Variants in DIAPH2 observed in about 807,000 individuals in gnomAD.
DIAPH2 encodes the protein protein diaphanous homolog 2.
In DIAPH2, 35 loss-of-function variants were observed where a neutral mutation model predicts 92.7. The observed-to-expected ratio is 0.38, with a 90% CI of 0.29 to 0.50. The LOEUF is 0.50. Ranked by LOEUF, DIAPH2 falls within the 20% of genes least tolerant of loss-of-function variation. DIAPH2 has a pLI of 0.94. For synonymous variants in DIAPH2, 301 were observed against 280.4 expected (o/e 1.07, Z -0.73); for missense variants, 701 against 819.5 (o/e 0.86, Z 1.77).
chrX:96,706,358 G>A (rs1364539074), intron 1 of DIAPH2, among the ~76,000 whole-genome samples: 1 of 112,128 alleles, frequency 8.9e-6, no homozygotes, highest in Non-Finnish European at 1.9e-5. Context: ...GGATCTAGAG[G>A]TTAAGAACTA....
intron 13 of DIAPH2, among the ~76,000 whole-genome samples, chrX:96,943,573 A>G (rs779255568): frequency 4.5e-5 from 5 of 111,402 alleles, no homozygotes; most frequent in African/African-American, 1.6e-4. Context: ...ATTATAGACC[A>G]TAGTTAGGAC....
chrX:97,571,506 T>G (rs1167106066), intron 26 of DIAPH2, among the ~76,000 whole-genome samples: 1 of 111,849 alleles, frequency 8.9e-6, no homozygotes, highest in Non-Finnish European at 1.9e-5. Flanking sequence ...GTTGTTTGCT[T>G]TTGACAGTCT....
chrX:97,333,881 A>T (rs1035336444), intron 23 of DIAPH2, among the ~76,000 whole-genome samples: 1 of 110,135 alleles, frequency 9.1e-6, no homozygotes, highest in Non-Finnish European at 1.9e-5. Flanking sequence ...TCTTATATCT[A>T]TCCCCTGCTT....
At chrX:97,244,317 T>G (rs985736807) in intron 22 of DIAPH2, among the ~76,000 whole-genome samples, 1 of 112,264 alleles carries the variant, frequency 8.9e-6, no homozygotes, top group African/African-American at 3.2e-5. Flanking sequence ...GCAATTTGAT[T>G]AGGCTAGTTT....
intron 10 of DIAPH2, among the ~76,000 whole-genome samples, chrX:96,931,415 A>G (rs1207850067): frequency 1.8e-5 from 2 of 111,741 alleles, no homozygotes; most frequent in Admixed American, 9.5e-5. Context: ...AAATGAGCAC[A>G]CTTATTTTTA....
At chrX:97,327,179 A>C (rs916287626) in intron 23 of DIAPH2, among the ~76,000 whole-genome samples, 1 of 110,361 alleles carries the variant, frequency 9.1e-6, no homozygotes, top group African/African-American at 3.3e-5. Context: ...GCTCACTGCA[A>C]CCTCCGCCTC....
intron 22 of DIAPH2, among the ~76,000 whole-genome samples, chrX:97,247,102 G>T (rs1265336714): frequency 2.7e-5 from 3 of 111,789 alleles, no homozygotes; most frequent in Non-Finnish European, 5.6e-5. Context: ...GGTAATTACA[G>T]CAACTAATGA....
chrX:97,152,916 G>A (rs2067295677), intron 22 of DIAPH2, among the ~76,000 whole-genome samples: 1 of 109,104 alleles, frequency 9.2e-6, no homozygotes, highest in East Asian at 2.9e-4. Flanking sequence ...TAGCTCTGTG[G>A]CAAAAGATTC....
chrX:97,482,413 T>C (rs1228022547), intron 26 of DIAPH2, among the ~76,000 whole-genome samples: 1 of 112,159 alleles, frequency 8.9e-6, no homozygotes, highest in African/African-American at 3.2e-5. Context: ...ATAATCAGGC[T>C]CAGAGGTTAG....
rs150125360 is a variant in DIAPH2 at position 96,987,426 on chromosome X, A to G, written c.2050+22219A>G. ...GAATGGTTATTACTCCATTAGACCT[A>G]TGACCCATGGAATGAGTAACTCTGA... On this transcript the variant is annotated intron_variant, in intron 17 of 26. Transcript: ENST00000324765. Among the ~76,000 whole-genome samples the G allele has an allele frequency of 6.9e-3, 765 of 111,620 alleles. 9 individuals carry two copies. The highest frequency in any genetic ancestry group is 0.023 in the African/African-American group (726 of 30,896).
At chrX:97,017,960 CAGGATCTT>C (rs1167729425) in intron 17 of DIAPH2, among the ~76,000 whole-genome samples, 2 of 112,446 alleles carry the variant, frequency 1.8e-5, no homozygotes, top group African/African-American at 6.5e-5. Context: ...ATAAATATAG[CAGGATCTT>C]AGTTGCCTAG....
chrX:96,738,898 C>G (rs753999024), intron 3 of DIAPH2, 136 bp downstream of exon 3: 1 of 452,530 alleles, frequency 2.2e-6, no homozygotes, highest in Non-Finnish European at 3.4e-6. Flanking sequence ...TATAACAAAA[C>G]TATTTGCAAA....
At chrX:96,744,713 G>A (rs1394078015) in intron 3 of DIAPH2, among the ~76,000 whole-genome samples, 1 of 112,330 alleles carries the variant, frequency 8.9e-6, no homozygotes, top group East Asian at 2.8e-4. Context: ...TTGGGAGAAA[G>A]CACTTAAGTC....
chrX:97,431,362 A>G (rs762203454), intron 26 of DIAPH2: 2 of 112,530 alleles, frequency 1.8e-5, no homozygotes, highest in Admixed American at 9.4e-5. Flanking sequence ...AAGAACTGCC[A>G]TAATTTTTCT....
At chrX:97,488,611 A>G (rs2070704778) in intron 26 of DIAPH2, among the ~76,000 whole-genome samples, 1 of 111,309 alleles carries the variant, frequency 9.0e-6, no homozygotes, top group African/African-American at 3.3e-5. Flanking sequence ...ACCCATTTTT[A>G]GTTGATTTTT....
intron 4 of DIAPH2, among the ~76,000 whole-genome samples, chrX:96,879,021 A>G (rs778965708): frequency 8.9e-6 from 1 of 112,040 alleles, no homozygotes; most frequent in South Asian, 3.7e-4. Flanking sequence ...CCATTCATTC[A>G]TTCAGGAAAT....
intron 23 of DIAPH2, among the ~76,000 whole-genome samples, chrX:97,282,483 G>C (rs2068506858): frequency 9.0e-6 from 1 of 110,540 alleles, no homozygotes; most frequent in South Asian, 3.9e-4. Flanking sequence ...CTAATTTTTT[G>C]TATTTTTCAT....
chrX:97,323,357 C>G lies in DIAPH2; in HGVS notation c.2845-24759C>G, dbSNP rs777863574. On this transcript the variant is annotated intron_variant, in intron 23 of 26. Coordinates refer to ENST00000324765, the MANE Select transcript of DIAPH2 (RefSeq NM_006729.5). The stretch of plus-strand genomic sequence containing the variant: ...CTGTAATCCCAGCACTTTGGGAGGC[C>G]GAGGCGGGCGGATCACGAGGTCAGG... Among the ~76,000 whole-genome samples, 9 of 102,652 alleles carry G rather than the reference C, an allele frequency of 8.8e-5. No homozygotes were observed. The South Asian group carries it at 4.3e-3, about 49-fold the overall frequency. The allele number at this position is 102,652 out of a possible 115,157, so 89.1% of individuals were successfully genotyped here. A position where few individuals can be genotyped will look rare whatever the true frequency, so the allele number is the denominator to read the frequency against.
chrX:97,247,684 T>C, intron 22 of DIAPH2, 31 bp from the exon 23 acceptor site: 1 of 1,144,937 alleles, frequency 8.7e-7, no homozygotes, highest in Non-Finnish European at 1.2e-6. Context: ...CTTGGTAAAA[T>C]ATTCTAAATC....
Sources: allele counts gnomAD v4.1 joint callset (sites outside exome capture counted in the v4.1 genomes callset), GRCh38; gene constraint gnomAD v4.1.1; transcripts MANE v1.5; gene names NCBI Gene and HGNC (gene_info 2026-07-23, HGNC 2026-07-21).